The following CUX2 variants were observed in gnomAD, a reference collection of about 807,000 sequenced individuals.
CUX2 encodes the protein homeobox protein cut-like 2.
Under a neutral mutation model 144.8 loss-of-function variants are expected in CUX2, and 40 were observed. That is an observed-to-expected ratio of 0.28 (90% CI 0.21 to 0.36). CUX2 has a LOEUF of 0.36. Ranked by LOEUF, CUX2 falls within the 10% of genes least tolerant of loss-of-function variation. The pLI, the probability that CUX2 is intolerant of heterozygous loss-of-function variation, is 1.00. For missense variants in CUX2, 1,615 were observed against 1,994.0 expected (o/e 0.81, Z 3.62); for synonymous variants, 827 against 875.6 (o/e 0.94, Z 0.98).
At chr12:111,194,080 G>A (rs190117150) in intron 1 of CUX2, among the ~76,000 whole-genome samples, 5 of 152,272 alleles carry the variant, frequency 3.3e-5, no homozygotes, top group Admixed American at 6.5e-5. Flanking sequence ...ATATCACACC[G>A]GTGGCCACCT....
Position 111,214,330 on chromosome 12 carries a change from A to G in CUX2, c.174+20A>G. 7.0e-7 allele frequency: 1 copy of G among 1,424,534 alleles called. No individual in the cohort carries two copies. The highest frequency in any genetic ancestry group is 9.8e-7 in the Non-Finnish European group (1 of 1,018,342). 88.2% of individuals were successfully genotyped at this position (1,424,534 alleles called of 1,614,324 possible). ...CCTGAGGTATGGTATATTTGCCGTT[A>G]TAGAATTAACTCAGTAGGAATGCAG... On this transcript the variant is annotated intron_variant, in intron 2 of 21. Coordinates refer to ENST00000261726, the MANE Select transcript of CUX2 (RefSeq NM_015267.4).
intron 1 of CUX2, among the ~76,000 whole-genome samples, chr12:111,196,929 C>G (rs1405695998): frequency 6.6e-6 from 1 of 152,096 alleles, no homozygotes; most frequent in Non-Finnish European, 1.5e-5. Flanking sequence ...TCATACATAG[C>G]TGGAATAGGC....
chr12:111,323,045 T>C (rs1037912705), intron 18 of CUX2, among the ~76,000 whole-genome samples: 1 of 151,956 alleles, frequency 6.6e-6, no homozygotes, highest in African/African-American at 2.4e-5. Flanking sequence ...TTTGCCCGGG[T>C]GAGGAAACGG....
intron 1 of CUX2, among the ~76,000 whole-genome samples, chr12:111,105,139 C>T (rs961028503): frequency 2.0e-5 from 3 of 152,192 alleles, no homozygotes; most frequent in Non-Finnish European, 4.4e-5. Context: ...CAGGGCCCTG[C>T]GCTGGGGTGA....
chr12:111,249,111 G>A (rs1883424746), intron 3 of CUX2, among the ~76,000 whole-genome samples: 1 of 152,144 alleles, frequency 6.6e-6, no homozygotes, highest in Non-Finnish European at 1.5e-5. Context: ...ACATGTGCAG[G>A]GAGCACACAT....
chr12:111,195,611 C>T (rs1310311422), intron 1 of CUX2, among the ~76,000 whole-genome samples: 1 of 152,224 alleles, frequency 6.6e-6, no homozygotes, highest in Non-Finnish European at 1.5e-5. Context: ...ACGCTCTGTC[C>T]TTGAGCTGGG....
In CUX2 at chr12:111,200,661, C is replaced by T. The variant is rs557862436; in HGVS notation, c.64-13539C>T. Among the ~76,000 whole-genome samples the T allele has an allele frequency of 1.4e-3, 216 of 152,246 alleles. 1 individual carries two copies. Among genetic ancestry groups the T allele is most frequent in the African/African-American group, 4.6e-3 (191 of 41,542 alleles). On this transcript the variant is annotated intron_variant, in intron 1 of 21. Coordinates refer to ENST00000261726, the MANE Select transcript of CUX2 (RefSeq NM_015267.4). ...GAGGTGTCGTCACTTGGCTCAGTGT[C>T]TTCAGACCCCAAAAGAATAGCCATG...
chr12:111,098,792 G>A (rs955080366), intron 1 of CUX2, among the ~76,000 whole-genome samples: 2 of 152,248 alleles, frequency 1.3e-5, no homozygotes, highest in Non-Finnish European at 2.9e-5. Context: ...AGGACAGTGA[G>A]CCACGCTGGA....
chr12:111,101,945 T>C (rs1873270739), intron 1 of CUX2, among the ~76,000 whole-genome samples: 1 of 152,248 alleles, frequency 6.6e-6, no homozygotes, highest in Non-Finnish European at 1.5e-5. Flanking sequence ...TTTCTTACTT[T>C]ACATAAAAGG....
chr12:111,059,648 C>T lies in CUX2; in HGVS notation c.63+25408C>T, dbSNP rs1566194332. Among the ~76,000 whole-genome samples, 1 of 151,988 alleles carries T rather than the reference C, an allele frequency of 6.6e-6. No individual in the cohort carries two copies. Among genetic ancestry groups the T allele is most frequent in the Non-Finnish European group, 1.5e-5 (1 of 67,998 alleles). On this transcript the variant is annotated intron_variant, in intron 1 of 21. Transcript: ENST00000261726. This position sits in a 1 kb window ranked among gnomAD's most constrained non-coding sequence, Gnocchi z 5.3. Reference sequence around the variant, plus strand: ...GGCAGGGTGGCAGGAGCCAGATCACCTTGAGGGCTATGGTGAGGAGGTGGG... The same window carrying T: ...GGCAGGGTGGCAGGAGCCAGATCACTTTGAGGGCTATGGTGAGGAGGTGGG...
At chr12:111,333,724 C>T (rs569124655) in intron 18 of CUX2, among the ~76,000 whole-genome samples, 1 of 152,208 alleles carries the variant, frequency 6.6e-6, no homozygotes, top group Admixed American at 6.5e-5. Context: ...AAGATGGTAT[C>T]CACCAGTGCC....
intron 3 of CUX2, among the ~76,000 whole-genome samples, chr12:111,249,221 G>A (rs940385845): frequency 1.3e-5 from 2 of 152,120 alleles, no homozygotes; most frequent in Non-Finnish European, 2.9e-5. Flanking sequence ...TGGAGCCCGG[G>A]CTGGAAATCC....
rs932607802 is a variant in CUX2 at position 111,289,790 on chromosome 12, C to T, written c.302-1628C>T. On this transcript the variant is annotated intron_variant, in intron 4 of 21. Transcript: ENST00000261726. The surrounding 1 kb of genome is among the most constrained non-coding windows in gnomAD (Gnocchi z 4.1). ...CAAATGATGGTGTCACCAGGTCCAC[C>T]GAGAAGCACACCAAGGATTACATGG... 1.3e-5 allele frequency among the ~76,000 whole-genome samples: 2 copies of T among 152,058 alleles called. No individual in the cohort carries two copies. Among genetic ancestry groups the T allele is most frequent in the African/African-American group, 2.4e-5 (1 of 41,390 alleles).
At chr12:111,332,501 G>A (rs1407788625) in intron 18 of CUX2, among the ~76,000 whole-genome samples, 1 of 152,002 alleles carries the variant, frequency 6.6e-6, no homozygotes, top group African/African-American at 2.4e-5. Context: ...TCATTGCCTC[G>A]GAAGAGCCCA....
In CUX2 at chr12:111,220,743, C is replaced by CAAAAA. The variant is rs549438290; in HGVS notation, c.222+2839_222+2843dup. 3.6e-4 allele frequency among the ~76,000 whole-genome samples: 14 copies of CAAAAA among 39,134 alleles called. 1 individual carries two copies. Among genetic ancestry groups the CAAAAA allele is most frequent in the African/African-American group, 1.4e-3 (13 of 9,542 alleles). The allele number at this position is 39,134 out of a possible 152,430, so 25.7% of individuals were successfully genotyped here. On this transcript the variant is annotated intron_variant, in intron 3 of 21. Transcript: ENST00000261726. ...GCAATATAATGAGACCTCATCTCTG[C>CAAAAA]AAAAAAAAAAAAAAAAAAAAAAAAA...
chr12:111,153,726 C>A (rs771184577), intron 1 of CUX2, among the ~76,000 whole-genome samples: 1 of 152,102 alleles, frequency 6.6e-6, no homozygotes, highest in South Asian at 2.1e-4. Flanking sequence ...TAGTTAAGAA[C>A]ACAAATTGGC....
At chr12:111,055,429 G>A (rs1158708757) in intron 1 of CUX2, among the ~76,000 whole-genome samples, 2 of 152,240 alleles carry the variant, frequency 1.3e-5, no homozygotes, top group Non-Finnish European at 2.9e-5. Context: ...CCCGGCCCTC[G>A]GAGGATATCC....
intron 1 of CUX2, among the ~76,000 whole-genome samples, chr12:111,109,243 G>T (rs1873792348): frequency 6.6e-6 from 1 of 152,078 alleles, no homozygotes; most frequent in Admixed American, 6.5e-5. Flanking sequence ...TCAATTATTT[G>T]TTTACCCTGA....
chr12:111,121,899 G>T (rs1042708441), intron 1 of CUX2, among the ~76,000 whole-genome samples: 1 of 151,626 alleles, frequency 6.6e-6, no homozygotes, highest in Non-Finnish European at 1.5e-5. Context: ...CCCTTCCACC[G>T]AGACCTAAAA....
Sources: gnomAD v4.1 joint callset for allele counts (sites outside exome capture counted in the v4.1 genomes callset) on GRCh38, gnomAD v4.1.1 for gene constraint, Gnocchi (gnomAD v3.1) non-coding constraint, MANE v1.5 for transcripts, NCBI Gene and HGNC (gene_info 2026-07-23, HGNC 2026-07-21) for gene names.